Variants in SH3D19 observed in about 807,000 individuals in gnomAD.
SH3D19 encodes the protein SH3 domain containing 19.
A neutral mutation model predicts 112.1 loss-of-function variants in SH3D19; 58 were observed. The ratio of observed to expected loss-of-function variants is 0.52; its 90% CI spans 0.42 to 0.64. SH3D19 has a LOEUF of 0.64. SH3D19 is among the 30% of genes least tolerant of loss of function. The pLI is 0.00. For missense variants in SH3D19, 1,090 were observed against 1,263.4 expected (o/e 0.86, Z 2.08); for synonymous variants, 391 against 448.5 (o/e 0.87, Z 1.62).
intron 19 of SH3D19, among the ~76,000 whole-genome samples, chr4:151,126,794 T>C (rs1278019873): frequency 2.3e-4 from 31 of 131,948 alleles, no homozygotes; most frequent in African/African-American, 8.4e-4. Flanking sequence ...CGAGACTCTG[T>C]CTCAAAAAAG....
chr4:151,137,976 G>T, intron 13 of SH3D19, 114 bp from the exon 14 acceptor site: 2 of 783,180 alleles, frequency 2.6e-6, no homozygotes, highest in Non-Finnish European at 3.8e-6. Context: ...CACTGATTCT[G>T]AGAACAGATT....
rs760878729 is a variant in SH3D19 at position 151,135,101 on chromosome 4, C to T, written c.2459G>A (p.Arg820Lys). The T allele has an allele frequency of 6.2e-7, 1 of 1,605,140 alleles. No individual in the cohort carries two copies. The highest frequency in any genetic ancestry group is 1.1e-5 in the South Asian group (1 of 89,336). ...IDIPEGGNGK[R>K]ECVSSHCVKG... ...AACACAATGAGATGAAACACATTCT[C>T]TTTTCCCATTTCCTCCTTCTGGGAT... Residue 820 changes from arginine to lysine, a missense_variant, in exon 15 of 20, where the codon AGA (arginine) becomes AAA (lysine). By Grantham distance (26) the Arg-to-Lys change is conservative. Coordinates refer to ENST00000604030, the MANE Select transcript of SH3D19 (RefSeq NM_001378122.1).
chr4:151,175,818 G>T, intron 6 of SH3D19, 144 bp from the exon 7 acceptor site: 2 of 709,346 alleles, frequency 2.8e-6, no homozygotes, highest in Non-Finnish European at 3.9e-6. Context: ...TTAGTAAAAA[G>T]TGATTCAAAA....
chr4:151,128,614 C>A (rs1749938239), intron 17 of SH3D19, among the ~76,000 whole-genome samples: 1 of 152,048 alleles, frequency 6.6e-6, no homozygotes, highest in Non-Finnish European at 1.5e-5. Context: ...AAGGGATATA[C>A]AAAGCTTAAG....
chr4:151,277,058 G>C, intron 1 of SH3D19: 1 of 702,008 alleles, frequency 1.4e-6, no homozygotes. Context: ...AGAGGAGGGG[G>C]TGAAGCAGAG....
At chr4:151,322,497 T>C (rs1181568245) in intron 1 of SH3D19, among the ~76,000 whole-genome samples, 2 of 96,304 alleles carry the variant, frequency 2.1e-5, no homozygotes, top group Non-Finnish European at 3.9e-5. Flanking sequence ...CCTATAATTC[T>C]GCCAAAAAAA....
intron 1 of SH3D19, 42 bp from the exon 2 acceptor site, chr4:151,226,128 A>C (rs1768953230): frequency 1.6e-6 from 2 of 1,230,814 alleles, no homozygotes; most frequent in Non-Finnish European, 2.0e-6. Context: ...AGGTTCTTTA[A>C]AAGCTCTGGA....
chr4:151,149,382 T>C, intron 10 of SH3D19, 118 bp downstream of exon 10: 9 of 758,798 alleles, frequency 1.2e-5, no homozygotes, highest in Non-Finnish European at 1.9e-5. Context: ...GTGAAATCGG[T>C]GAGATTATTT....
At chr4:151,239,414 T>G (rs941962155) in intron 1 of SH3D19, among the ~76,000 whole-genome samples, 4 of 143,898 alleles carry the variant, frequency 2.8e-5, no homozygotes, top group African/African-American at 1.2e-4. Context: ...GTTGTTTTTG[T>G]TTTTTTTTAG....
At chr4:151,175,776 A>G (rs1168100842) in intron 6 of SH3D19, 102 bp from the exon 7 acceptor site, 9 of 1,069,452 alleles carry the variant, frequency 8.4e-6, no homozygotes, top group East Asian at 6.5e-5. Flanking sequence ...AACTACATAC[A>G]TGGAATATCA....
intron 1 of SH3D19, among the ~76,000 whole-genome samples, chr4:151,318,873 G>C (rs1456130077): frequency 1.3e-5 from 2 of 152,068 alleles, no homozygotes; most frequent in Non-Finnish European, 2.9e-5. Context: ...TACCCACCAT[G>C]GACTACTTTA....
chr4:151,275,149 C>T (rs1410089418), intron 1 of SH3D19, among the ~76,000 whole-genome samples: 5 of 151,364 alleles, frequency 3.3e-5, no homozygotes, highest in Admixed American at 1.3e-4. Flanking sequence ...TGCAGTGGCG[C>T]GATCTCGGCT....
chr4:151,166,302 A>C (rs1162781543), intron 7 of SH3D19: 1 of 152,258 alleles, frequency 6.6e-6, no homozygotes, highest in Non-Finnish European at 1.5e-5. Context: ...ATGACTCGGC[A>C]TTCCTCCATC....
At chr4:151,238,317 G>T (rs1459188250) in intron 1 of SH3D19, among the ~76,000 whole-genome samples, 1 of 152,142 alleles carries the variant, frequency 6.6e-6, no homozygotes, top group Non-Finnish European at 1.5e-5. Flanking sequence ...CATATTTCAG[G>T]ATAGTATGGA....
chr4:151,256,445 T>G (rs1398543820), intron 1 of SH3D19, among the ~76,000 whole-genome samples: 1 of 152,198 alleles, frequency 6.6e-6, no homozygotes, highest in Non-Finnish European at 1.5e-5. Context: ...TACATAACAA[T>G]AAATATAAAT....
At chr4:151,312,508 T>A (rs959410634) in intron 1 of SH3D19, among the ~76,000 whole-genome samples, 10 of 152,206 alleles carry the variant, frequency 6.6e-5, no homozygotes, top group African/African-American at 1.9e-4. Context: ...TGCCAAGAGT[T>A]GAGAAGCCTG....
chr4:151,139,803 A>T lies in SH3D19; in HGVS notation c.2268T>A (p.His756Gln). ...AQKPVDSGAP[H>Q]AVVLHDFPAE... The stretch of plus-strand genomic sequence containing the variant: ...CTGGGAAATCATGAAGAACGACAGC[A>T]TGAGGAGCACCACTGTCAACAGGCT... Residue 756 changes from histidine to glutamine, a missense_variant, in exon 13 of 20, where the codon CAT (histidine) becomes CAA (glutamine). Transcript: ENST00000604030. 6.2e-7 allele frequency: 1 copy of T among 1,614,218 alleles called. No individual in the cohort carries two copies.
chr4:151,128,478 G>T lies in SH3D19; in HGVS notation c.2743-122C>A, dbSNP rs566568912. ...GGTCTTAAGATTTCAAAGCCTGAAG[G>T]CTTCTTTAAATTATCTAATACTTTA... On this transcript the variant is annotated intron_variant, in intron 17 of 19. Transcript: ENST00000604030. The T allele has an allele frequency of 2.7e-5, 18 of 675,546 alleles. No individual in the cohort carries two copies. The Admixed American group carries it at 2.9e-4, about 11-fold the overall frequency. The allele number at this position is 675,546 out of a possible 1,614,324, so 41.8% of individuals were successfully genotyped here.
intron 1 of SH3D19, among the ~76,000 whole-genome samples, chr4:151,295,203 G>A (rs1216213719): frequency 6.6e-6 from 1 of 152,214 alleles, no homozygotes; most frequent in African/African-American, 2.4e-5. Flanking sequence ...AGGGAATGAT[G>A]AAAGAACAGA....
Sources: gnomAD v4.1 joint callset for allele counts (sites outside exome capture counted in the v4.1 genomes callset) on GRCh38, gnomAD v4.1.1 for gene constraint, MANE v1.5 for transcripts, NCBI Gene and HGNC (gene_info 2026-07-23, HGNC 2026-07-21) for gene names.